The following GSPT1 variants were observed in gnomAD, a reference collection of about 807,000 sequenced individuals.
The protein encoded by GSPT1 is eukaryotic peptide chain release factor GTP-binding subunit ERF3A.
In GSPT1, 20 loss-of-function variants were observed where a neutral mutation model predicts 72.5. The observed-to-expected ratio is 0.28, with a 90% confidence interval of 0.19 to 0.40. The LOEUF (loss-of-function observed/expected upper bound fraction) is 0.40, where lower values mean the gene tolerates loss of function less well. Ranked by LOEUF, GSPT1 falls within the 10% of genes least tolerant of loss-of-function variation. GSPT1 has a pLI of 1.00. For missense variants in GSPT1, 580 were observed against 811.9 expected (o/e 0.71, Z 3.47); for synonymous variants, 334 against 293.5 (o/e 1.14, Z -1.41).
chr16:11,916,150 T>G, upstream of GSPT1: 1 of 364,692 alleles, frequency 2.7e-6, no homozygotes, highest in Non-Finnish European at 5.3e-6. Context: ...CGCTGCGGTT[T>G]TCCCGGGGGC....
chr16:11,894,827 ATTTTAT>A (rs1371341066), intron 5 of GSPT1, 121 bp downstream of exon 5: 1 of 607,754 alleles, frequency 1.6e-6, no homozygotes, highest in Non-Finnish European at 3.0e-6. Flanking sequence ...TGTCCCAGTA[ATTTTAT>A]TTTTAATTTT....
At chr16:11,880,426 A>G (rs2054107326) in intron 11 of GSPT1, among the ~76,000 whole-genome samples, 1 of 152,204 alleles carries the variant, frequency 6.6e-6, no homozygotes, top group Non-Finnish European at 1.5e-5. Flanking sequence ...ACAATTTTAC[A>G]TGACCAACAG....
At chr16:11,914,496 G>C (rs1404361524) in intron 1 of GSPT1, among the ~76,000 whole-genome samples, 1 of 152,204 alleles carries the variant, frequency 6.6e-6, no homozygotes, top group Non-Finnish European at 1.5e-5. Flanking sequence ...AGACACGTGA[G>C]AACTATTAAA....
chr16:11,886,156 T>A (rs1381348020), intron 9 of GSPT1, among the ~76,000 whole-genome samples: 1 of 151,960 alleles, frequency 6.6e-6, no homozygotes, highest in East Asian at 1.9e-4. Context: ...AAGGACACCA[T>A]CGAGAAGTGA....
At chr16:11,895,122 C>T (rs563890986) in intron 4 of GSPT1, 135 bp from the exon 5 acceptor site, 16 of 612,838 alleles carry the variant, frequency 2.6e-5, no homozygotes, top group Non-Finnish European at 4.2e-5. Flanking sequence ...AGTTCATTAC[C>T]CTTCTCCTTT....
rs2053949283 is a variant in GSPT1, at chr16:11,868,981, A to G, written c.*4138T>C. 1 of 152,196 alleles carries G rather than the reference A, an allele frequency of 6.6e-6. No individual in the cohort carries two copies. The highest frequency in any genetic ancestry group is 1.5e-5 in the Non-Finnish European group (1 of 68,036). The allele number at this position is 152,196 out of a possible 1,614,324, so 9.4% of individuals were successfully genotyped here. A position where few individuals can be genotyped will look rare whatever the true frequency, so the allele number is the denominator to read the frequency against. ...ATAATCCTTAGTAAACAACTCAGCT[A>G]GCATTATTGTTTCAAGGAAGCATAG... On this transcript the variant is annotated 3_prime_UTR_variant, in exon 15 of 15. Transcript: ENST00000434724.
chr16:11,877,347 G>A lies in GSPT1; in HGVS notation c.1602+60C>T, dbSNP rs2054061487. On this transcript the variant is annotated intron_variant, in intron 12 of 14. Transcript: ENST00000434724. This position sits in a 1 kb window ranked among gnomAD's most constrained non-coding sequence, Gnocchi z 4.0. ...ACAAATAATCAGGACAAAAGGCACT[G>A]ATATTCTAATTTCATTTAGACATTA... 4 of 1,162,462 alleles carry A rather than the reference G, an allele frequency of 3.4e-6. No individual in the cohort carries two copies. The Admixed American group carries it at 1.0e-4, about 29-fold the overall frequency. 72.0% of individuals were successfully genotyped at this position (1,162,462 alleles called of 1,614,324 possible). A position where few individuals can be genotyped will look rare whatever the true frequency, so the allele number is the denominator to read the frequency against.
intron 11 of GSPT1, among the ~76,000 whole-genome samples, chr16:11,880,539 C>T (rs931788497): frequency 6.6e-6 from 1 of 152,122 alleles, no homozygotes; most frequent in Non-Finnish European, 1.5e-5. Context: ...TAGTGAGAGA[C>T]CCAGCCTGGT....
At chr16:11,875,034 C>G (rs868331905) in intron 14 of GSPT1, among the ~76,000 whole-genome samples, 1 of 152,034 alleles carries the variant, frequency 6.6e-6, no homozygotes, top group South Asian at 2.1e-4. Flanking sequence ...TACAAAAATA[C>G]AAAAAATTAG....
intron 1 of GSPT1, among the ~76,000 whole-genome samples, chr16:11,907,290 C>T (rs1169464505): frequency 6.6e-6 from 1 of 152,154 alleles, no homozygotes; most frequent in Admixed American, 6.5e-5. Flanking sequence ...GCAGTCACTA[C>T]TAGAATAAAC....
chr16:11,877,601 G>A lies in GSPT1; in HGVS notation c.1429-21C>T, dbSNP rs1355950259. The A allele has an allele frequency of 1.3e-6, 2 of 1,525,876 alleles. No individual in the cohort carries two copies. Among genetic ancestry groups the A allele is most frequent in the Non-Finnish European group, 1.8e-6 (2 of 1,127,190 alleles). 94.5% of individuals were successfully genotyped at this position (1,525,876 alleles called of 1,614,324 possible). On this transcript the variant is annotated intron_variant, in intron 11 of 14. Coordinates refer to ENST00000434724, the MANE Select transcript of GSPT1 (RefSeq NM_002094.4). This position sits in a 1 kb window ranked among gnomAD's most constrained non-coding sequence, Gnocchi z 4.0. ...TTGTGCTTTAAAAGAAAACAAGACT[G>A]GAGGTTTTCTGACACATTCACTGCA... is the stretch of plus-strand genomic sequence containing the variant.
intron 1 of GSPT1, among the ~76,000 whole-genome samples, chr16:11,907,754 A>C (rs2054506938): frequency 6.6e-6 from 1 of 152,202 alleles, no homozygotes; most frequent in African/African-American, 2.4e-5. Context: ...CAGTTCCTTT[A>C]TCTGAAAATG....
intron 11 of GSPT1, 150 bp downstream of exon 11, chr16:11,882,865 A>C (rs1013780841): frequency 1.7e-6 from 1 of 579,204 alleles, no homozygotes; most frequent in Non-Finnish European, 3.1e-6. Context: ...TGGGAGGCTC[A>C]GGTGGCAGGA....
At chr16:11,892,512 AAC>A (rs1403699310) in intron 5 of GSPT1, among the ~76,000 whole-genome samples, 13 of 131,814 alleles carry the variant, frequency 9.9e-5, no homozygotes, top group African/African-American at 2.7e-4. Flanking sequence ...TTCTCAAAAA[AAC>A]AAAAAAAACA....
chr16:11,879,087 A>G (rs1271561336), intron 11 of GSPT1, among the ~76,000 whole-genome samples: 2 of 58,796 alleles, frequency 3.4e-5, no homozygotes, highest in African/African-American at 1.2e-4. Context: ...CAAAAAATAA[A>G]AAATAATAAT....
chr16:11,876,764 G>C (rs917956546), intron 12 of GSPT1, among the ~76,000 whole-genome samples: 3 of 151,992 alleles, frequency 2.0e-5, no homozygotes, highest in Admixed American at 6.6e-5. Context: ...AAAGACAGCA[G>C]GCCAACTTTC....
chr16:11,893,782 C>G (rs1039260704), intron 5 of GSPT1, among the ~76,000 whole-genome samples: 23 of 152,110 alleles, frequency 1.5e-4, no homozygotes, highest in African/African-American at 5.1e-4. Flanking sequence ...CCACAGAGAC[C>G]TGGGGAAGGA....
At chr16:11,910,084 A>G (rs2054539267) in intron 1 of GSPT1, among the ~76,000 whole-genome samples, 1 of 152,170 alleles carries the variant, frequency 6.6e-6, no homozygotes, top group South Asian at 2.1e-4. Context: ...GTGACAAAGT[A>G]AGATCCCGTC....
intron 5 of GSPT1, among the ~76,000 whole-genome samples, chr16:11,893,862 A>G (rs1324553224): frequency 6.6e-6 from 1 of 152,206 alleles, no homozygotes; most frequent in South Asian, 2.1e-4. Context: ...AAGATTACCA[A>G]TGATGATTAG....
Sources: gnomAD v4.1 joint callset for allele counts (sites outside exome capture counted in the v4.1 genomes callset) on GRCh38, gnomAD v4.1.1 for gene constraint, Gnocchi (gnomAD v3.1) non-coding constraint, MANE v1.5 for transcripts, NCBI Gene and HGNC (gene_info 2026-07-23, HGNC 2026-07-21) for gene names.